The following PPP1R12C variants were observed in gnomAD, a reference collection of about 807,000 sequenced individuals.
The protein encoded by PPP1R12C is leukocyte receptor cluster (LRC) encoded novel gene 3.
Under a neutral mutation model 95.6 loss-of-function variants are expected in PPP1R12C, and 48 were observed. That is an observed-to-expected ratio of 0.50 (90% CI 0.40 to 0.64). The LOEUF (loss-of-function observed/expected upper bound fraction) is 0.64. Ranked by LOEUF, PPP1R12C falls within the 30% of genes least tolerant of loss-of-function variation. PPP1R12C has a pLI of 0.00. For missense variants in PPP1R12C, 1,057 were observed against 1,083.3 expected (o/e 0.98, Z 0.34); for synonymous variants, 480 against 460.8 (o/e 1.04, Z -0.53).
Position 55,096,269 on chromosome 19 carries a change from G to A in PPP1R12C, c.1018C>T (p.His340Tyr). Residue 340 changes from histidine to tyrosine, a missense_variant, in exon 7 of 22, where the codon CAC (histidine) becomes TAC (tyrosine). His to Tyr is a moderately conservative substitution (Grantham distance 83). Transcript: ENST00000263433. Reference sequence around the variant, plus strand: ...ACTCCTCCCTCCCTATACCTTCTGTGTTTGCTGCTAGAGGGCGCTTGGGGC... The same window carrying A: ...ACTCCTCCCTCCCTATACCTTCTGTATTTGCTGCTAGAGGGCGCTTGGGGC... ...QEPQAPSSSK[H>Y]RRSSVCRLSS... 1 of 1,613,922 alleles carries A rather than the reference G, an allele frequency of 6.2e-7. No homozygotes were observed.
At chr19:55,105,068 C>CT (rs1170666025) in intron 3 of PPP1R12C, among the ~76,000 whole-genome samples, 5 of 147,470 alleles carry the variant, frequency 3.4e-5, no homozygotes, top group African/African-American at 1.3e-4. Context: ...CCGCATCTGA[C>CT]CCTTTTTTTT....
intron 3 of PPP1R12C, among the ~76,000 whole-genome samples, chr19:55,107,133 A>C (rs2085046782): frequency 6.6e-6 from 1 of 151,712 alleles, no homozygotes; most frequent in Admixed American, 6.6e-5. Context: ...AAAAAATGTG[A>C]CCAGGCACGG....
chr19:55,113,625 A>C, intron 1 of PPP1R12C: 1 of 1,271,336 alleles, frequency 7.9e-7, no homozygotes, highest in Non-Finnish European at 1.0e-6. Context: ...GAGTGAAGCT[A>C]AACTCCTAGA....
Position 55,112,658 on chromosome 19 carries a change from G to A in PPP1R12C, c.452+7C>T. On this transcript the variant is annotated splice_region_variant and intron_variant, in intron 2 of 21. Coordinates refer to ENST00000263433, the MANE Select transcript of PPP1R12C (RefSeq NM_017607.4). The stretch of plus-strand genomic sequence containing the variant: ...ACCAGGTCCTGCCCGGCCCTCCCTT[G>A]CCTCACCTGGCGATATCTAGGTAGC... The A allele has an allele frequency of 1.9e-6, 3 of 1,613,618 alleles. No individual in the cohort carries two copies. The highest frequency in any genetic ancestry group is 1.1e-5 in the South Asian group (1 of 91,062).
rs182957838 is a variant in PPP1R12C, at chr19:55,109,862, G to C, written c.571+2605C>G. ...TCCTGTGTGGAGCCGGGTGTCACAGGGTGTCACAGGCAGTCGCCTTGTGAT... is the reference window on the plus strand; with the variant it reads ...TCCTGTGTGGAGCCGGGTGTCACAGCGTGTCACAGGCAGTCGCCTTGTGAT... On this transcript the variant is annotated intron_variant, in intron 3 of 21. Transcript: ENST00000263433. This position sits in a 1 kb window ranked among gnomAD's most constrained non-coding sequence, Gnocchi z 4.4. Among the ~76,000 whole-genome samples the C allele has an allele frequency of 1.4e-3, 207 of 152,302 alleles. No homozygotes were observed. Among genetic ancestry groups the C allele is most frequent in the Non-Finnish European group, 2.6e-3 (177 of 68,018 alleles).
chr19:55,108,455 C>T (rs2085062002), intron 3 of PPP1R12C, among the ~76,000 whole-genome samples: 1 of 151,922 alleles, frequency 6.6e-6, no homozygotes, highest in Non-Finnish European at 1.5e-5. Flanking sequence ...GTGGTGAAAC[C>T]CCGTCTCCAC....
intron 3 of PPP1R12C, among the ~76,000 whole-genome samples, chr19:55,107,952 G>A (rs879785499): frequency 1.7e-5 from 1 of 57,368 alleles, no homozygotes; most frequent in Admixed American, 1.8e-4. Context: ...TTTTTTTTTT[G>A]AGATGCTGAG....
chr19:55,095,651 C>G, intron 9 of PPP1R12C, 48 bp from the exon 10 acceptor site: 1 of 1,513,790 alleles, frequency 6.6e-7, no homozygotes, highest in Non-Finnish European at 8.8e-7. Context: ...TCCCTCTTCT[C>G]AGACCTCAAG....
Position 55,091,883 on chromosome 19 carries a change from T to C in PPP1R12C, c.2187A>G (p.Pro729=). The C allele has an allele frequency of 6.2e-7, 1 of 1,613,354 alleles. No homozygotes were observed. The highest frequency in any genetic ancestry group is 8.5e-7 in the Non-Finnish European group (1 of 1,179,998). Residue 729 remains proline (P), a synonymous_variant, in exon 20 of 22, where the codon CCA becomes CCG. Coordinates refer to ENST00000263433, the MANE Select transcript of PPP1R12C (RefSeq NM_017607.4). ...TQRQERFAER[P]ALLELERFER... is the part of the protein sequence containing the mutation. Reference sequence around the variant, plus strand: ...CGAATCTCTCCAGTTCCAGGAGGGCTGGCCTCTCAGCGAAGCGTTCTTGCC... The same window carrying C: ...CGAATCTCTCCAGTTCCAGGAGGGCCGGCCTCTCAGCGAAGCGTTCTTGCC...
At chr19:55,098,324 C>T (rs1422114481) in intron 6 of PPP1R12C, among the ~76,000 whole-genome samples, 1 of 152,234 alleles carries the variant, frequency 6.6e-6, no homozygotes, top group Admixed American at 6.5e-5. Flanking sequence ...CATGGCAGAG[C>T]CGGGATTCCA....
At chr19:55,117,144 A>C in intron 1 of PPP1R12C, 79 bp downstream of exon 1, 1 of 1,131,256 alleles carries the variant, frequency 8.8e-7, no homozygotes, top group Non-Finnish European at 1.1e-6. Flanking sequence ...CGAGACTGGC[A>C]ACGGGGAAGG....
At chr19:55,104,502 A>G (rs996293627) in intron 3 of PPP1R12C, among the ~76,000 whole-genome samples, 9 of 151,724 alleles carry the variant, frequency 5.9e-5, no homozygotes, top group Admixed American at 3.3e-4. Flanking sequence ...CAAGAGTTCG[A>G]GACCAGCCTG....
At chr19:55,094,522 G>T in intron 12 of PPP1R12C, 87 bp from the exon 13 acceptor site, 1 of 1,588,910 alleles carries the variant, frequency 6.3e-7, no homozygotes. Flanking sequence ...AGCAAGTTCT[G>T]TGGGAGGGGA....
rs1157921671 is a variant in PPP1R12C, at chr19:55,096,131, T to A, written c.1073A>T (p.Asp358Val). ...ACCAGGCCGGCGCTCCTTGGACAAG[T>A]CCTGGAGGGAAATCTTCTCGCGACT... ...LSSREKISLQDLSKERRPGGA... is the reference protein window; with the variant it reads ...LSSREKISLQVLSKERRPGGA... The change falls in exon 8 of 22, where the codon GAC becomes GTC. Residue 358 changes from aspartate (D) to valine (V), a missense_variant. Asp to Val is a radical substitution (Grantham distance 152). Around this residue, in one of 5 missense-constraint regions of PPP1R12C, gnomAD observed 356 missense variants for 330.5 expected, o/e 1.08. Transcript: ENST00000263433. 6.2e-6 allele frequency: 10 copies of A among 1,600,092 alleles called. No individual in the cohort carries two copies. In the South Asian group the frequency reaches 1.0e-4, roughly 16 times the overall value.
chr19:55,098,272 G>T (rs530791715), intron 6 of PPP1R12C, among the ~76,000 whole-genome samples: 1 of 152,348 alleles, frequency 6.6e-6, no homozygotes, highest in South Asian at 2.1e-4. Flanking sequence ...AGGAAACTGA[G>T]GCCCGGAAAG....
chr19:55,113,031 C>T (rs1226500260), intron 1 of PPP1R12C: 1 of 593,738 alleles, frequency 1.7e-6, no homozygotes, highest in Non-Finnish European at 3.0e-6. Context: ...TGGCTATCTG[C>T]AAACAGGAAG....
At chr19:55,107,372 C>T (rs2085049575) in intron 3 of PPP1R12C, among the ~76,000 whole-genome samples, 1 of 152,094 alleles carries the variant, frequency 6.6e-6, no homozygotes, top group Non-Finnish European at 1.5e-5. Context: ...CAAGACCATG[C>T]CACTGCACTC....
At chr19:55,101,183 G>T (rs962547988) in intron 4 of PPP1R12C, among the ~76,000 whole-genome samples, 10 of 152,044 alleles carry the variant, frequency 6.6e-5, no homozygotes, top group Non-Finnish European at 1.5e-4. Flanking sequence ...AGGGGACAGA[G>T]GTTGCAGTGA....
rs771567964 is a variant in PPP1R12C at position 55,092,271 on chromosome 19, G to A, written c.2111C>T (p.Thr704Ile). 6.2e-7 allele frequency: 1 copy of A among 1,600,564 alleles called. No individual in the cohort carries two copies. The highest frequency in any genetic ancestry group is 1.1e-5 in the South Asian group (1 of 89,034). Residue 704 changes from threonine to isoleucine, a missense_variant, in exon 19 of 22, where the codon ACC becomes ATC. By Grantham distance (89) the Thr-to-Ile change is moderately conservative. Transcript: ENST00000263433. ...NERLREALTE[T>I]TLRLAQLKVE... ...CTTGAGCTGCGCCAGCCGCAGCGTG[G>A]TCTCGGTCAGGGCCTCGCGAAGCCG...
Sources: gnomAD v4.1 joint callset for allele counts (sites outside exome capture counted in the v4.1 genomes callset) on GRCh38, gnomAD v4.1.1 for gene constraint, gnomAD v4.1.1 regional missense constraint, Gnocchi (gnomAD v3.1) non-coding constraint, MANE v1.5 for transcripts, NCBI Gene and HGNC (gene_info 2026-07-23, HGNC 2026-07-21) for gene names.